The following PMFBP1 variants were observed in gnomAD, a reference collection of about 807,000 sequenced individuals.
The protein encoded by PMFBP1 is polyamine-modulated factor 1-binding protein 1.
PMFBP1 carries 131 observed loss-of-function variants against 137.8 expected under a neutral mutation model. That is an observed-to-expected ratio of 0.95 (90% confidence interval 0.82 to 1.10). The LOEUF (loss-of-function observed/expected upper bound fraction) is 1.10, where lower values mean the gene tolerates loss of function less well. PMFBP1 is among the 50% of genes least tolerant of loss of function. The pLI is 0.00. For synonymous variants in PMFBP1, 490 were observed against 450.4 expected, an observed-to-expected ratio of 1.09 and a Z score of -1.11; for missense variants, 1,199 against 1,175.4, an observed-to-expected ratio of 1.02 and a Z score of -0.29.
In PMFBP1 at chr16:72,136,559, T is replaced by C. The variant is rs777361476; in HGVS notation, c.1092A>G (p.Thr364=). 1.9e-6 allele frequency: 3 copies of C among 1,613,976 alleles called. No individual in the cohort carries two copies. Among genetic ancestry groups the C allele is most frequent in the South Asian group, 1.1e-5 (1 of 91,074 alleles). The change falls in exon 9 of 21, where the codon ACA becomes ACG. Residue 364 remains threonine, a synonymous_variant. Coordinates refer to ENST00000237353, the MANE Select transcript of PMFBP1 (RefSeq NM_031293.3). ...TATCCTTCCTCTCAATGTGGGCAGA[T>C]GTCTCCTCCCGCAGTCCGTGCAGGT... is the stretch of plus-strand genomic sequence containing the variant. ...ELDLHGLREE[T]SAHIERKDKD...
the PMFBP1 span, among the ~76,000 whole-genome samples, chr16:72,219,483 G>A: frequency 3.9e-4 from 60 of 152,212 alleles, 2 homozygotes; most frequent in Admixed American, 2.0e-4. Flanking sequence ...TGCATATGTC[G>A]GGGGCCTGTG....
chr16:72,191,399 C>T, the PMFBP1 span, among the ~76,000 whole-genome samples: 5 of 152,152 alleles, frequency 3.3e-5, no homozygotes, highest in Non-Finnish European at 5.9e-5. Context: ...TTAGTACATT[C>T]GAGAATATTT....
At chr16:72,236,415 AG>A in the PMFBP1 span, among the ~76,000 whole-genome samples, 1 of 152,220 alleles carries the variant, frequency 6.6e-6, no homozygotes, top group Non-Finnish European at 1.5e-5. Context: ...GAGAGCTCAA[AG>A]GAACTTGCTA....
chr16:72,140,397 G>C lies in PMFBP1; in HGVS notation c.807+15C>G, dbSNP rs1006008268. The C allele has an allele frequency of 6.9e-6, 11 of 1,605,834 alleles. No homozygotes were observed. Among genetic ancestry groups the C allele is most frequent in the Non-Finnish European group, 8.5e-6 (10 of 1,172,570 alleles). On this transcript the variant is annotated intron_variant, in intron 6 of 20. Transcript: ENST00000237353. Reference sequence around the variant, plus strand: ...GAGGGTCTCCCAGAGACATGTTCTAGAAGAAGGCACTTACCAAAGCGTTAC... The same window carrying C: ...GAGGGTCTCCCAGAGACATGTTCTACAAGAAGGCACTTACCAAAGCGTTAC...
At chr16:72,249,595 G>C in the PMFBP1 span, among the ~76,000 whole-genome samples, 3 of 151,882 alleles carry the variant, frequency 2.0e-5, no homozygotes, top group African/African-American at 7.3e-5. Flanking sequence ...CAGTGACCTT[G>C]ATCTGATGTC....
At chr16:72,187,356 G>A in the PMFBP1 span, among the ~76,000 whole-genome samples, 2 of 152,080 alleles carry the variant, frequency 1.3e-5, no homozygotes, top group African/African-American at 4.8e-5. Flanking sequence ...AGCTGTCTGG[G>A]GTACTAGTCA....
the PMFBP1 span, among the ~76,000 whole-genome samples, chr16:72,197,165 T>G: frequency 6.6e-6 from 1 of 152,182 alleles, no homozygotes; most frequent in Non-Finnish European, 1.5e-5. Flanking sequence ...CATGGAGATT[T>G]TAATAGCTAG....
At chr16:72,158,361 A>T (rs897534465) in intron 3 of PMFBP1, among the ~76,000 whole-genome samples, 2 of 152,214 alleles carry the variant, frequency 1.3e-5, no homozygotes, top group African/African-American at 4.8e-5. Flanking sequence ...AATTGCCAGC[A>T]TTTATATTAA....
the PMFBP1 span, among the ~76,000 whole-genome samples, chr16:72,249,085 GA>G: frequency 1.2e-3 from 178 of 144,344 alleles, 1 homozygote; most frequent in Admixed American, 4.5e-3. Flanking sequence ...ATTTGTGTAA[GA>G]AAAAAAAAAA....
intron 12 of PMFBP1, among the ~76,000 whole-genome samples, chr16:72,129,873 G>T (rs992413549): frequency 6.6e-6 from 1 of 152,008 alleles, no homozygotes. Context: ...TTGAGACAGG[G>T]TCTCACTCTG....
At chr16:72,203,815 C>T in the PMFBP1 span, among the ~76,000 whole-genome samples, 3 of 152,178 alleles carry the variant, frequency 2.0e-5, no homozygotes, top group Admixed American at 2.0e-4. Context: ...AGTGAATTCC[C>T]TATGACTTCC....
At chr16:72,190,405 A>G in the PMFBP1 span, among the ~76,000 whole-genome samples, 1,869 of 152,344 alleles carry the variant, frequency 0.012, 25 homozygotes, top group Non-Finnish European at 0.022. Context: ...CACTGTCATA[A>G]TCTTTGCAAA....
chr16:72,242,100 C>T, the PMFBP1 span, among the ~76,000 whole-genome samples: 21 of 152,046 alleles, frequency 1.4e-4, no homozygotes, highest in Non-Finnish European at 5.9e-5. Context: ...TCCCTGACAC[C>T]GTGATATAGT....
At chr16:72,227,032 C>G in the PMFBP1 span, among the ~76,000 whole-genome samples, 10 of 152,074 alleles carry the variant, frequency 6.6e-5, no homozygotes, top group South Asian at 1.9e-3. Flanking sequence ...GAAAATGTAA[C>G]TAAACCAAGA....
the PMFBP1 span, among the ~76,000 whole-genome samples, chr16:72,217,399 C>A: frequency 6.6e-6 from 1 of 152,012 alleles, no homozygotes; most frequent in African/African-American, 2.4e-5. Flanking sequence ...ACACAATTTA[C>A]TTCTTCATCA....
chr16:72,150,553 A>AC, intron 5 of PMFBP1, 55 bp downstream of exon 5: 1 of 1,554,164 alleles, frequency 6.4e-7, no homozygotes, highest in Non-Finnish European at 8.9e-7. Context: ...GTCTGAGGGG[A>AC]CCACCTGGGA....
intron 2 of PMFBP1, among the ~76,000 whole-genome samples, chr16:72,166,519 T>C (rs1219139864): frequency 6.6e-6 from 1 of 152,176 alleles, no homozygotes; most frequent in Non-Finnish European, 1.5e-5. Context: ...TAGGTTAGAT[T>C]ACCAAGAGGG....
At chr16:72,134,265 G>T (rs1389910574) in intron 9 of PMFBP1, among the ~76,000 whole-genome samples, 5 of 152,140 alleles carry the variant, frequency 3.3e-5, no homozygotes, top group Admixed American at 6.5e-5. Flanking sequence ...AAGATCTGAG[G>T]TTGCTACAGA....
upstream of PMFBP1, chr16:72,172,614 A>G (rs2043232433): frequency 6.6e-6 from 1 of 151,860 alleles, no homozygotes; most frequent in Non-Finnish European, 1.5e-5. Context: ...TCAAAGAAAT[A>G]TAGGCATATG....
Sources: gnomAD v4.1 joint callset for allele counts (sites outside exome capture counted in the v4.1 genomes callset) on GRCh38, gnomAD v4.1.1 for gene constraint, MANE v1.5 for transcripts, NCBI Gene and HGNC (gene_info 2026-07-23, HGNC 2026-07-21) for gene names.